KIAA1614: variants seen among roughly 807,000 people sequenced by gnomAD.
KIAA1614 encodes uncharacterized protein KIAA1614.
KIAA1614 carries 76 observed loss-of-function variants against 88.7 expected under a neutral mutation model. That is an observed-to-expected ratio of 0.86 (90% CI 0.71 to 1.04). The LOEUF is 1.04. Ranked by LOEUF, KIAA1614 falls within the 50% of genes least tolerant of loss-of-function variation. KIAA1614 has a pLI of 0.00. For missense variants in KIAA1614, 1,553 were observed against 1,582.5 expected (o/e 0.98, Z 0.32); for synonymous variants, 714 against 675.5 (o/e 1.06, Z -0.88).
At chr1:180,929,935 A>T (rs1654156164) in intron 4 of KIAA1614, among the ~76,000 whole-genome samples, 1 of 152,222 alleles carries the variant, frequency 6.6e-6, no homozygotes, top group Non-Finnish European at 1.5e-5. Flanking sequence ...AGGGTGCCGA[A>T]CTGCTCATTA....
At chr1:180,941,500 C>T (rs1173982119) in intron 7 of KIAA1614, among the ~76,000 whole-genome samples, 1 of 152,164 alleles carries the variant, frequency 6.6e-6, no homozygotes, top group Non-Finnish European at 1.5e-5. Context: ...TCCCCGCCAG[C>T]CGCCCAGGCC....
chr1:180,935,309 G>C lies in KIAA1614; in HGVS notation c.1400G>C (p.Arg467Pro), dbSNP rs1285813274. 2 of 1,484,884 alleles carry C rather than the reference G, an allele frequency of 1.3e-6. No homozygotes were observed. Among genetic ancestry groups the C allele is most frequent in the Middle Eastern group, 1.8e-4 (1 of 5,546 alleles). The allele number at this position is 1,484,884 out of a possible 1,614,324, so 92.0% of individuals were successfully genotyped here. ...AREAEFRHLE[R>P]LQQRQRQVLS... ...GAAGCCGAGTTCCGTCACCTGGAGCGGCTGCAGCAGCGCCAGCGCCAGGTG... is the reference window on the plus strand; with the variant it reads ...GAAGCCGAGTTCCGTCACCTGGAGCCGCTGCAGCAGCGCCAGCGCCAGGTG... Residue 467 changes from arginine (R) to proline (P), a missense_variant, in exon 5 of 9, where the codon CGG becomes CCG. By Grantham distance (103) the Arg-to-Pro change is moderately radical. Transcript: ENST00000367588. This position sits in a 1 kb window ranked among gnomAD's most constrained non-coding sequence, Gnocchi z 6.1.
chr1:180,917,739 CTGG>C (rs1653851672), intron 2 of KIAA1614, 109 bp from the exon 3 acceptor site: 1 of 865,456 alleles, frequency 1.2e-6, no homozygotes, highest in Non-Finnish European at 2.0e-6. Flanking sequence ...TTAGATTTAT[CTGG>C]GGAGTAAGTT....
At chr1:180,931,441 T>A (rs1485173046) in intron 4 of KIAA1614, among the ~76,000 whole-genome samples, 2 of 152,234 alleles carry the variant, frequency 1.3e-5, no homozygotes, top group Non-Finnish European at 2.9e-5. Context: ...GATCCTCCCC[T>A]AGAGGAGTGA....
Position 180,935,842 on chromosome 1 carries a change from C to T in KIAA1614, c.1933C>T (p.Pro645Ser), listed in dbSNP as rs1487140914. 1.9e-6 allele frequency: 3 copies of T among 1,613,612 alleles called. No individual in the cohort carries two copies. Among genetic ancestry groups the T allele is most frequent in the Non-Finnish European group, 2.5e-6 (3 of 1,179,882 alleles). Residue 645 changes from proline to serine, a missense_variant, in exon 5 of 9, where the codon CCG (proline) becomes TCG (serine). Coordinates refer to ENST00000367588, the MANE Select transcript of KIAA1614 (RefSeq NM_020950.2). This position sits in a 1 kb window ranked among gnomAD's most constrained non-coding sequence, Gnocchi z 6.1. Reference protein sequence around the residue: ...WACGRTQGSSPRLRLRGSRPR... With the variant: ...WACGRTQGSSSRLRLRGSRPR... The stretch of plus-strand genomic sequence containing the variant: ...GTGTGGGCGGACCCAAGGCAGCAGC[C>T]CGCGACTGCGACTGCGGGGCTCCAG...
At chr1:180,942,683 G>A (rs909982267) in intron 7 of KIAA1614, among the ~76,000 whole-genome samples, 3 of 152,326 alleles carry the variant, frequency 2.0e-5, no homozygotes, top group Admixed American at 6.5e-5. Flanking sequence ...TATCCAAAGC[G>A]TGTCTGAGCC....
chr1:180,932,781 T>C (rs200362389), intron 4 of KIAA1614, among the ~76,000 whole-genome samples: 146,372 of 152,184 alleles, frequency 0.96, 70,646 homozygotes, highest in East Asian at 1. Flanking sequence ...GTAGCAGCAC[T>C]CAGTATGGAG....
At position 180,928,591 on chromosome 1, in the gene KIAA1614, C is replaced by A. The variant is rs1484253012; in HGVS notation, c.1205+18C>A. 1 of 1,607,668 alleles carries A rather than the reference C, an allele frequency of 6.2e-7. No individual in the cohort carries two copies. Among genetic ancestry groups the A allele is most frequent in the South Asian group, 1.1e-5 (1 of 90,742 alleles). ...GGCAGCCGGTGAGTGGGACCTGGGCCAGGCTAGCCTGGGAGGGCCATAGCA... is the reference window on the plus strand; with the variant it reads ...GGCAGCCGGTGAGTGGGACCTGGGCAAGGCTAGCCTGGGAGGGCCATAGCA... On this transcript the variant is annotated intron_variant, in intron 4 of 8. Transcript: ENST00000367588.
intron 4 of KIAA1614, among the ~76,000 whole-genome samples, chr1:180,933,691 A>C (rs1654250906): frequency 6.6e-6 from 1 of 152,138 alleles, no homozygotes; most frequent in African/African-American, 2.4e-5. Flanking sequence ...GTCTTCCGGA[A>C]CTGAGCAGGA....
In KIAA1614 at chr1:180,948,358, C is replaced by A. The variant is rs572431775; in HGVS notation, c.*2770C>A. The A allele has an allele frequency of 2.0e-5, 3 of 152,282 alleles. No individual in the cohort carries two copies. The highest frequency in any genetic ancestry group is 7.2e-5 in the African/African-American group (3 of 41,476). 9.4% of individuals were successfully genotyped at this position (152,282 alleles called of 1,614,324 possible). ...CCGACTCTATATGAGCCTGTGAGAA[C>A]AGCAGGCTTTGCCTTCTGCTTCTAA... On this transcript the variant is annotated 3_prime_UTR_variant, in exon 9 of 9. Transcript: ENST00000367588.
At position 180,921,258 on chromosome 1, in the gene KIAA1614, A is replaced by T. The variant is rs567481913; in HGVS notation, c.1061+3344A>T. 1.2e-4 allele frequency among the ~76,000 whole-genome samples: 18 copies of T among 152,292 alleles called. No individual in the cohort carries two copies. In the South Asian group the frequency reaches 3.7e-3, roughly 32 times the overall value. Reference sequence around the variant, plus strand: ...TGCTCAGTGGAGGAGATTTTGAGCCAGAAGAAGGAATTTCACAAGGTAATG... The same window carrying T: ...TGCTCAGTGGAGGAGATTTTGAGCCTGAAGAAGGAATTTCACAAGGTAATG... On this transcript the variant is annotated intron_variant, in intron 3 of 8. Coordinates refer to ENST00000367588, the MANE Select transcript of KIAA1614 (RefSeq NM_020950.2).
At position 180,948,332 on chromosome 1, in the gene KIAA1614, T is replaced by A. The variant is rs1334877073; in HGVS notation, c.*2744T>A. 6.6e-6 allele frequency: 1 copy of A among 152,238 alleles called. No individual in the cohort carries two copies. The highest frequency in any genetic ancestry group is 1.5e-5 in the Non-Finnish European group (1 of 68,054). 9.4% of individuals were successfully genotyped at this position (152,238 alleles called of 1,614,324 possible). The stretch of plus-strand genomic sequence containing the variant: ...TGGTATTAACTTGCTGGCTTTCACA[T>A]CCGACTCTATATGAGCCTGTGAGAA... On this transcript the variant is annotated 3_prime_UTR_variant, in exon 9 of 9. Coordinates refer to ENST00000367588, the MANE Select transcript of KIAA1614 (RefSeq NM_020950.2).
At chr1:180,943,141 C>T (rs1372512661) in intron 7 of KIAA1614, among the ~76,000 whole-genome samples, 1 of 152,052 alleles carries the variant, frequency 6.6e-6, no homozygotes, top group Non-Finnish European at 1.5e-5. Context: ...ATTTTCCTGC[C>T]TCAGCCTCCT....
At position 180,951,599 on chromosome 1, in the gene KIAA1614, G is replaced by C. The variant is rs1222773516; in HGVS notation, c.*6011G>C. 1 of 152,342 alleles carries C rather than the reference G, an allele frequency of 6.6e-6. No homozygotes were observed. Among genetic ancestry groups the C allele is most frequent in the East Asian group, 1.9e-4 (1 of 5,200 alleles). The allele number at this position is 152,342 out of a possible 1,614,324, so 9.4% of individuals were successfully genotyped here. ...CAGTCTTAACTTACTAAAAAGCAAAGCTAAAGCTTCTCTCACTCTGAGTTG... is the reference window on the plus strand; with the variant it reads ...CAGTCTTAACTTACTAAAAAGCAAACCTAAAGCTTCTCTCACTCTGAGTTG... On this transcript the variant is annotated 3_prime_UTR_variant, in exon 9 of 9. Coordinates refer to ENST00000367588, the MANE Select transcript of KIAA1614 (RefSeq NM_020950.2).
chr1:180,943,038 T>TTTTTTTTTGTTTG (rs1553260089), intron 7 of KIAA1614, among the ~76,000 whole-genome samples: 5 of 149,346 alleles, frequency 3.3e-5, no homozygotes, highest in South Asian at 2.1e-4. Flanking sequence ...GTTTTTTTTT[T>TTTTTTTTTGTTTG]TTTTTTAAGA....
chr1:180,916,985 T>G lies in KIAA1614; in HGVS notation c.882T>G (p.Ser294=), dbSNP rs1164375801. 5 of 1,614,012 alleles carry G rather than the reference T, an allele frequency of 3.1e-6. No homozygotes were observed. The Admixed American group carries it at 8.3e-5, about 27-fold the overall frequency. Residue 294 remains serine (S), a synonymous_variant, in exon 2 of 9, where the codon TCT becomes TCG. Coordinates refer to ENST00000367588, the MANE Select transcript of KIAA1614 (RefSeq NM_020950.2). The stretch of plus-strand genomic sequence containing the variant: ...CTGGGAGCAGTGTCTTGTCCCTGTC[T>G]GATCGGGTGGAGAGAAACCGCCTGT... ...LGAGSSVLSL[S]DRVERNRLLL...
chr1:180,940,786 C>T (rs965982890), intron 6 of KIAA1614, among the ~76,000 whole-genome samples: 16 of 151,748 alleles, frequency 1.1e-4, no homozygotes, highest in African/African-American at 3.6e-4. Context: ...GATCACAGCT[C>T]ACTGCAGCCT....
chr1:180,923,695 G>A (rs983951122), intron 3 of KIAA1614, among the ~76,000 whole-genome samples: 1 of 152,076 alleles, frequency 6.6e-6, no homozygotes, highest in Non-Finnish European at 1.5e-5. Flanking sequence ...TCTGGCAGAG[G>A]CACGTCGTAA....
Position 180,935,274 on chromosome 1 carries a change from G to A in KIAA1614, c.1365G>A (p.Glu455=). 1 of 1,511,322 alleles carries A rather than the reference G, an allele frequency of 6.6e-7. No homozygotes were observed. The highest frequency in any genetic ancestry group is 8.8e-7 in the Non-Finnish European group (1 of 1,133,092). The allele number at this position is 1,511,322 out of a possible 1,614,324, so 93.6% of individuals were successfully genotyped here. The change falls in exon 5 of 9, where the codon GAG becomes GAA. Residue 455 remains glutamate, a synonymous_variant. Coordinates refer to ENST00000367588, the MANE Select transcript of KIAA1614 (RefSeq NM_020950.2). The surrounding 1 kb of genome is among the most constrained non-coding windows in gnomAD (Gnocchi z 6.1). ...PSPSHVRFED[E]SAREAEFRHL... ...CGTCGCACGTGCGCTTTGAGGATGA[G>A]TCCGCCCGCGAAGCCGAGTTCCGTC... is the stretch of plus-strand genomic sequence containing the variant.
Sources: allele counts gnomAD v4.1 joint callset (sites outside exome capture counted in the v4.1 genomes callset), GRCh38; gene constraint gnomAD v4.1.1; non-coding constraint Gnocchi (gnomAD v3.1); transcripts MANE v1.5; gene names NCBI Gene and HGNC (gene_info 2026-07-23, HGNC 2026-07-21).